PARVA: variants seen among roughly 807,000 people sequenced by gnomAD.
PARVA encodes the protein parvin alpha.
In PARVA, 25 loss-of-function variants were observed where a neutral mutation model predicts 52.6. The observed-to-expected ratio is 0.48, with a 90% CI of 0.35 to 0.66. The LOEUF is 0.66. PARVA is among the 30% of genes least tolerant of loss of function. The probability of loss-of-function intolerance (pLI) is 0.01; values close to 1 mark genes in which losing one functional copy is unlikely to be tolerated. For synonymous variants in PARVA, 185 were observed against 179.1 expected (o/e 1.03, Z -0.26); for missense variants, 373 against 450.9 (o/e 0.83, Z 1.56).
intron 7 of PARVA, among the ~76,000 whole-genome samples, chr11:12,510,796 T>C (rs181652904): frequency 1.8e-4 from 27 of 152,284 alleles, no homozygotes; most frequent in African/African-American, 6.3e-4. Flanking sequence ...TACCTCCCCC[T>C]GGGTCCCTCC....
chr11:12,469,347 C>A (rs1940899550), intron 1 of PARVA, among the ~76,000 whole-genome samples: 1 of 152,186 alleles, frequency 6.6e-6, no homozygotes, highest in Non-Finnish European at 1.5e-5. Flanking sequence ...TTTCCCTACC[C>A]CGACCTTCAG....
chr11:12,527,512 T>C (rs1365409), intron 12 of PARVA, among the ~76,000 whole-genome samples: 148,891 of 152,248 alleles, frequency 0.98, 72,881 homozygotes, highest in East Asian at 1. Flanking sequence ...TGAGTCCTAA[T>C]GCACCCCCTG....
chr11:12,478,090 G>C (rs1341675402), intron 4 of PARVA, 141 bp downstream of exon 4: 3 of 728,036 alleles, frequency 4.1e-6, no homozygotes, highest in Admixed American at 3.9e-5. Flanking sequence ...TGGAATAACA[G>C]CTCAGTGAAG....
intron 1 of PARVA, among the ~76,000 whole-genome samples, chr11:12,455,748 A>G (rs191063570): frequency 1.1e-3 from 160 of 152,284 alleles, no homozygotes; most frequent in African/African-American, 3.7e-3. Context: ...AGAATTGAGC[A>G]CCATTTTTTT....
rs370220044 is a variant in PARVA, at chr11:12,524,598, C to T, written c.1043-3251C>T. ...GCTGTTATTAACATTTTACCTCCAC[C>T]TGCTCTTGGCCTTGCTCTCTCCCAA... On this transcript the variant is annotated intron_variant, in intron 12 of 12. Coordinates refer to ENST00000334956, the MANE Select transcript of PARVA (RefSeq NM_018222.5). Among the ~76,000 whole-genome samples, 14 of 152,340 alleles carry T rather than the reference C, an allele frequency of 9.2e-5. No individual in the cohort carries two copies. The East Asian group carries it at 2.1e-3, about 23-fold the overall frequency.
chr11:12,395,369 C>T (rs1467704735), intron 1 of PARVA, among the ~76,000 whole-genome samples: 1 of 152,186 alleles, frequency 6.6e-6, no homozygotes, highest in Non-Finnish European at 1.5e-5. Flanking sequence ...TCTTCAGGGG[C>T]TCTGTTTGGG....
chr11:12,525,486 GGCAAGCTCACCTTT>G (rs1429214757), intron 12 of PARVA, among the ~76,000 whole-genome samples: 1 of 151,866 alleles, frequency 6.6e-6, no homozygotes, highest in African/African-American at 2.4e-5. Context: ...CAACTCCCTT[GGCAAGCTCACCTTT>G]GCCCCTCTCT....
intron 12 of PARVA, among the ~76,000 whole-genome samples, chr11:12,518,859 G>A (rs559488319): frequency 5.9e-5 from 9 of 152,202 alleles, no homozygotes; most frequent in Admixed American, 1.3e-4. Flanking sequence ...CCCGCCAGTC[G>A]GGGTGAAGGT....
intron 1 of PARVA, among the ~76,000 whole-genome samples, chr11:12,399,680 T>G (rs1053338260): frequency 2.0e-5 from 3 of 152,212 alleles, no homozygotes; most frequent in Non-Finnish European, 4.4e-5. Flanking sequence ...GTGTGTATTT[T>G]GTTGTTTTTA....
intron 4 of PARVA, chr11:12,478,381 T>C: frequency 3.2e-6 from 1 of 309,856 alleles, no homozygotes. Flanking sequence ...TGGACTTGTG[T>C]GTGTGTGTAT....
rs1361761224 is a variant in PARVA at position 12,377,635 on chromosome 11, C to G, written c.-13C>G. 1 of 1,566,184 alleles carries G rather than the reference C, an allele frequency of 6.4e-7. No individual in the cohort carries two copies. Among genetic ancestry groups the G allele is most frequent in the Admixed American group, 1.9e-5 (1 of 51,766 alleles). ...CCGCGTCCCGACCGGCCCGCGGCAG[C>G]CTGCGCCGCGCCATGGCCACCTCCC... On this transcript the variant is annotated 5_prime_UTR_variant, in exon 1 of 13. Coordinates refer to ENST00000334956, the MANE Select transcript of PARVA (RefSeq NM_018222.5).
chr11:12,496,459 G>GA lies in PARVA; in HGVS notation c.405dup (p.Leu136ThrfsTer4). 1 of 1,606,666 alleles carries GA rather than the reference G, an allele frequency of 6.2e-7. No homozygotes were observed. Among genetic ancestry groups the GA allele is most frequent in the Non-Finnish European group, 8.5e-7 (1 of 1,176,578 alleles). On this transcript the variant is annotated frameshift_variant and splice_region_variant, in exon 5 of 13. Coordinates refer to ENST00000334956, the MANE Select transcript of PARVA (RefSeq NM_018222.5). LOFTEE classifies it high-confidence loss of function. ...TCTCTTTTCCCTTGTCACCCTCAGAGAAACTGGAGAGTGAGAAGCTAAATG... is the reference window on the plus strand; with the variant it reads ...TCTCTTTTCCCTTGTCACCCTCAGAGAAAACTGGAGAGTGAGAAGCTAAATG...
chr11:12,515,860 GGGT>G (rs1353891493), intron 10 of PARVA, among the ~76,000 whole-genome samples: 1 of 152,168 alleles, frequency 6.6e-6, no homozygotes, highest in Non-Finnish European at 1.5e-5. Context: ...TTTTGAGACA[GGGT>G]CTTACTCCTG....
intron 4 of PARVA, among the ~76,000 whole-genome samples, chr11:12,483,237 TG>T (rs1451738995): frequency 6.6e-6 from 1 of 152,228 alleles, no homozygotes; most frequent in African/African-American, 2.4e-5. Flanking sequence ...CTGTATTCCC[TG>T]GGTCTTCCCA....
At chr11:12,440,993 A>G (rs1246420666) in intron 1 of PARVA, among the ~76,000 whole-genome samples, 2 of 152,232 alleles carry the variant, frequency 1.3e-5, no homozygotes, top group Non-Finnish European at 2.9e-5. Flanking sequence ...ATAGCGCATG[A>G]TATCTCATCA....
At chr11:12,498,620 G>A (rs532434633) in intron 5 of PARVA, among the ~76,000 whole-genome samples, 101 of 140,112 alleles carry the variant, frequency 7.2e-4, no homozygotes, top group Non-Finnish European at 9.6e-4. Context: ...TGTTGCCCAG[G>A]CTGAAGTGAA....
chr11:12,505,134 C>G, intron 6 of PARVA, among the ~76,000 whole-genome samples: 1 of 152,208 alleles, frequency 6.6e-6, no homozygotes, highest in East Asian at 1.9e-4. Flanking sequence ...ATTAAATACC[C>G]AAATTCAATT....
At chr11:12,508,559 A>G in intron 6 of PARVA, 25 bp from the exon 7 acceptor site, 1 of 1,575,474 alleles carries the variant, frequency 6.3e-7, no homozygotes, top group Non-Finnish European at 8.7e-7. Context: ...TCTCCTCCCA[A>G]CCCCTTTCCC....
chr11:12,449,696 G>A (rs1940598388), intron 1 of PARVA, among the ~76,000 whole-genome samples: 2 of 152,214 alleles, frequency 1.3e-5, no homozygotes, highest in African/African-American at 4.8e-5. Context: ...ACTAAGCAAT[G>A]TCTGGAGATA....
Sources: gnomAD v4.1 joint callset for allele counts (sites outside exome capture counted in the v4.1 genomes callset) on GRCh38, gnomAD v4.1.1 for gene constraint, MANE v1.5 for transcripts, NCBI Gene and HGNC (gene_info 2026-07-23, HGNC 2026-07-21) for gene names.